The following PANK1 variants were observed in gnomAD, a reference collection of about 807,000 sequenced individuals.
The protein encoded by PANK1 is pantothenate kinase 1, also known as pantothenic acid kinase 1.
A neutral mutation model predicts 40.1 loss-of-function variants in PANK1; 18 were observed. The ratio of observed to expected loss-of-function variants is 0.45; its 90% CI spans 0.31 to 0.67. PANK1 has a LOEUF of 0.67. PANK1 is among the 30% of genes least tolerant of loss of function. The probability of loss-of-function intolerance (pLI) is 0.06; values close to 1 mark genes in which losing one functional copy is unlikely to be tolerated. For synonymous variants in PANK1, 242 were observed against 237.7 expected (o/e 1.02, Z -0.17); for missense variants, 457 against 599.6 (o/e 0.76, Z 2.48).
chr10:89,610,115 A>C (rs534067323), intron 2 of PANK1, among the ~76,000 whole-genome samples: 4 of 152,168 alleles, frequency 2.6e-5, no homozygotes, highest in African/African-American at 9.7e-5. Flanking sequence ...TGGCAGCTTT[A>C]GTTTCTTATC....
Position 89,644,669 on chromosome 10 carries a change from G to C in PANK1, c.223C>G (p.Gln75Glu), listed in dbSNP as rs1422880623. The change falls in exon 1 of 7, where the codon CAG becomes GAG. Residue 75 changes from glutamine to glutamate, a missense_variant. Physicochemically the swap from Gln to Glu is conservative, Grantham distance 29 (BLOSUM62 2). This residue lies in a region of PANK1 where 144 missense variants were observed against 131.2 expected (regional missense o/e 1.10). Transcript: ENST00000307534. ...PELQPQPLLP[Q>E]HDSPAKKCRL... is the part of the protein sequence containing the mutation. ...CATTTCTTGGCCGGGGAGTCATGCTGAGGGAGCAGTGGCTGCGGCTGCAGC... is the reference window on the plus strand; with the variant it reads ...CATTTCTTGGCCGGGGAGTCATGCTCAGGGAGCAGTGGCTGCGGCTGCAGC... 1 of 1,569,612 alleles carries C rather than the reference G, an allele frequency of 6.4e-7. No homozygotes were observed.
At chr10:89,610,675 AAG>A (rs1845125713) in intron 2 of PANK1, among the ~76,000 whole-genome samples, 1 of 152,246 alleles carries the variant, frequency 6.6e-6, no homozygotes, top group East Asian at 1.9e-4. Flanking sequence ...ACTTTATAGC[AAG>A]ACTGGATTAT....
intron 2 of PANK1, among the ~76,000 whole-genome samples, chr10:89,602,666 T>C (rs936584068): frequency 2.6e-5 from 4 of 152,240 alleles, no homozygotes; most frequent in African/African-American, 9.6e-5. Flanking sequence ...GGGCTTAGTT[T>C]CCTTTACATC....
At chr10:89,614,057 C>A (rs748273951) in intron 1 of PANK1, 1 of 456,448 alleles carries the variant, frequency 2.2e-6, no homozygotes, top group South Asian at 1.5e-5. Context: ...TTGCAAGTAA[C>A]CCCAATCATA....
chr10:89,595,428 G>A (rs1477119979), intron 3 of PANK1, among the ~76,000 whole-genome samples: 1 of 152,128 alleles, frequency 6.6e-6, no homozygotes, highest in Non-Finnish European at 1.5e-5. Context: ...TCCAGCCTGG[G>A]CGACAGACAC....
intron 3 of PANK1, among the ~76,000 whole-genome samples, chr10:89,596,351 T>C (rs1345171998): frequency 1.3e-5 from 2 of 152,204 alleles, no homozygotes; most frequent in Non-Finnish European, 2.9e-5. Context: ...CTGAAGACAC[T>C]GGCTAACTTA....
chr10:89,619,565 C>T lies in PANK1; in HGVS notation c.293-7517G>A, dbSNP rs888937718. On this transcript the variant is annotated intron_variant, in intron 1 of 6. Coordinates refer to ENST00000307534, the MANE Select transcript of PANK1 (RefSeq NM_148977.3). ...CCTGGTGAGGCACAAGTGTTCCTGG[C>T]GAGTGTTCCTGGTGAGATTCCCTAA... Among the ~76,000 whole-genome samples the T allele has an allele frequency of 1.3e-4, 20 of 152,202 alleles. 1 individual carries two copies. Among genetic ancestry groups the T allele is most frequent in the Middle Eastern group, 6.8e-3 (2 of 294 alleles).
At chr10:89,635,234 C>T (rs922104386) in intron 1 of PANK1, among the ~76,000 whole-genome samples, 1 of 151,976 alleles carries the variant, frequency 6.6e-6, no homozygotes, top group African/African-American at 2.4e-5. Context: ...TATAACAGAA[C>T]ACTTCAGACT....
chr10:89,615,181 A>G (rs17482070), intron 1 of PANK1, among the ~76,000 whole-genome samples: 9,910 of 152,316 alleles, frequency 0.065, 463 homozygotes, highest in Middle Eastern at 0.11. Context: ...ATAATAATGG[A>G]AAATAGGAGA....
chr10:89,614,190 C>T (rs767049194), intron 1 of PANK1, among the ~76,000 whole-genome samples: 4 of 152,074 alleles, frequency 2.6e-5, no homozygotes, highest in South Asian at 4.1e-4. Context: ...ATCAGAGAGG[C>T]GAAGATGCCT....
chr10:89,590,991 G>A (rs80171272), intron 5 of PANK1, among the ~76,000 whole-genome samples: 5,564 of 151,912 alleles, frequency 0.037, 374 homozygotes, highest in East Asian at 0.27. Context: ...TGCACTGATG[G>A]ATTAATGGAG....
At chr10:89,643,566 G>A in intron 1 of PANK1, 1 of 660,194 alleles carries the variant, frequency 1.5e-6, no homozygotes, top group Non-Finnish European at 2.7e-6. Context: ...TAGAAACAGG[G>A]AAAAGTGAAG....
At chr10:89,580,380 A>G (rs1412700716), downstream of PANK1, 4 of 152,222 alleles carry the variant, frequency 2.6e-5, no homozygotes, top group Non-Finnish European at 5.9e-5. Context: ...ATGGCTCCAC[A>G]GTGACTACGG....
intron 2 of PANK1, among the ~76,000 whole-genome samples, chr10:89,603,705 G>A (rs1370288956): frequency 6.6e-6 from 1 of 152,184 alleles, no homozygotes; most frequent in Non-Finnish European, 1.5e-5. Context: ...TAGGGGTACA[G>A]TGGGGTTCTC....
chr10:89,643,907 T>C, intron 1 of PANK1: 2 of 1,377,912 alleles, frequency 1.5e-6, no homozygotes, highest in African/African-American at 1.5e-5. Context: ...CCGGTGTACA[T>C]TACAATTACA....
At chr10:89,631,980 T>G (rs994861859) in intron 1 of PANK1, among the ~76,000 whole-genome samples, 1 of 125,750 alleles carries the variant, frequency 8.0e-6, no homozygotes, top group Non-Finnish European at 1.8e-5. Context: ...GTGTGTGTTT[T>G]TTTTTTTAAA....
At chr10:89,598,400 T>C (rs1367003269) in intron 3 of PANK1, among the ~76,000 whole-genome samples, 1 of 152,186 alleles carries the variant, frequency 6.6e-6, no homozygotes, top group Non-Finnish European at 1.5e-5. Context: ...TCTGCATCTA[T>C]CAAAAACACT....
At chr10:89,612,085 T>C in intron 1 of PANK1, 37 bp from the exon 2 acceptor site, 1 of 1,551,316 alleles carries the variant, frequency 6.4e-7, no homozygotes, top group Non-Finnish European at 8.8e-7. Context: ...CTGAATGCTA[T>C]GCGTGCAAAG....
Position 89,603,455 on chromosome 10 carries a change from G to A in PANK1, c.646-3950C>T, listed in dbSNP as rs145032088. ...AAGCTTGTCCTAAGACTCAAACTCT[G>A]TAAATAATGGAAGCTAATCAAAGAC... On this transcript the variant is annotated intron_variant, in intron 2 of 6. Transcript: ENST00000307534. 9.7e-3 allele frequency among the ~76,000 whole-genome samples: 1,481 copies of A among 152,212 alleles called. 14 individuals are homozygous for A. Among genetic ancestry groups the A allele is most frequent in the Middle Eastern group, 0.027 (8 of 294 alleles).
Sources: allele counts gnomAD v4.1 joint callset (sites outside exome capture counted in the v4.1 genomes callset), GRCh38; gene constraint gnomAD v4.1.1; regional missense constraint gnomAD v4.1.1; transcripts MANE v1.5; gene names NCBI Gene and HGNC (gene_info 2026-07-23, HGNC 2026-07-21).